Variants in LRRC1 observed in about 807,000 individuals in gnomAD.
The protein encoded by LRRC1 is leucine-rich repeat-containing protein 1.
LRRC1 carries 28 observed loss-of-function variants against 69.9 expected under a neutral mutation model. The observed-to-expected ratio is 0.40, with a 90% confidence interval of 0.30 to 0.55. The LOEUF is 0.55. Ranked by LOEUF, LRRC1 falls within the 20% of genes least tolerant of loss-of-function variation. The pLI, the probability that LRRC1 is intolerant of heterozygous loss-of-function variation, is 0.47. For synonymous variants in LRRC1, 236 were observed against 240.2 expected (o/e 0.98, Z 0.16); for missense variants, 498 against 609.0 (o/e 0.82, Z 1.92).
intron 2 of LRRC1, among the ~76,000 whole-genome samples, chr6:53,847,833 G>C (rs576069216): frequency 1.3e-5 from 2 of 152,286 alleles, no homozygotes; most frequent in African/African-American, 4.8e-5. Flanking sequence ...GCTCGTTCTG[G>C]CAAGTGGTAA....
chr6:53,817,296 T>A (rs1407351207), intron 1 of LRRC1, among the ~76,000 whole-genome samples: 1 of 152,202 alleles, frequency 6.6e-6, no homozygotes, highest in African/African-American at 2.4e-5. Context: ...CATTTTTTTC[T>A]TATTTAAAAA....
At chr6:53,855,064 TA>T (rs1430218396) in intron 2 of LRRC1, among the ~76,000 whole-genome samples, 1 of 152,098 alleles carries the variant, frequency 6.6e-6, no homozygotes, top group Non-Finnish European at 1.5e-5. Flanking sequence ...AAGAGGTGAG[TA>T]AGCAGTTTCA....
chr6:53,803,406 C>T (rs1427213030), intron 1 of LRRC1, among the ~76,000 whole-genome samples: 2 of 152,150 alleles, frequency 1.3e-5, no homozygotes, highest in African/African-American at 4.8e-5. Flanking sequence ...AATGTTTGCC[C>T]TCTGCTTCAT....
intron 2 of LRRC1, among the ~76,000 whole-genome samples, chr6:53,870,266 A>G (rs956528438): frequency 6.6e-6 from 1 of 152,094 alleles, no homozygotes; most frequent in African/African-American, 2.4e-5. Context: ...CCATCTTCTC[A>G]GGTCTCAGTG....
At chr6:53,817,464 T>C (rs1764984194) in intron 1 of LRRC1, among the ~76,000 whole-genome samples, 1 of 152,186 alleles carries the variant, frequency 6.6e-6, no homozygotes, top group South Asian at 2.1e-4. Flanking sequence ...TGTTCTATCT[T>C]AGTGATATTA....
At chr6:53,795,455 C>G (rs948274365) in intron 1 of LRRC1, 40 bp downstream of exon 1, 2 of 1,577,822 alleles carry the variant, frequency 1.3e-6, no homozygotes, top group Non-Finnish European at 1.7e-6. Context: ...GCCCGCTCGT[C>G]TGCTGTCCCT....
intron 2 of LRRC1, among the ~76,000 whole-genome samples, chr6:53,853,580 C>T (rs1766214739): frequency 6.6e-6 from 1 of 152,134 alleles, no homozygotes; most frequent in South Asian, 2.1e-4. Context: ...CCACTGCACC[C>T]AGCGTGTAAA....
intron 1 of LRRC1, among the ~76,000 whole-genome samples, chr6:53,800,082 C>A (rs1401268718): frequency 2.0e-5 from 3 of 152,146 alleles, no homozygotes; most frequent in Admixed American, 6.5e-5. Context: ...AGACTCTGTT[C>A]AAGCCTCTGT....
chr6:53,892,487 G>C (rs190154526), intron 4 of LRRC1, among the ~76,000 whole-genome samples: 1 of 152,162 alleles, frequency 6.6e-6, no homozygotes, highest in Admixed American at 6.5e-5. Context: ...AAGAGCTTGG[G>C]CTCTTCAGCA....
chr6:53,916,107 G>C (rs1470029336), intron 11 of LRRC1, among the ~76,000 whole-genome samples: 1 of 152,156 alleles, frequency 6.6e-6, no homozygotes, highest in Non-Finnish European at 1.5e-5. Flanking sequence ...TAAACCTTCT[G>C]TGACAGTAAA....
chr6:53,799,909 C>T (rs4342426), intron 1 of LRRC1, among the ~76,000 whole-genome samples: 95,095 of 152,002 alleles, frequency 0.63, 30,061 homozygotes, highest in East Asian at 0.9. Context: ...CACAATGCCA[C>T]CTATTCTCTC....
intron 11 of LRRC1, among the ~76,000 whole-genome samples, chr6:53,917,112 A>G (rs1314387525): frequency 6.6e-6 from 1 of 152,208 alleles, no homozygotes; most frequent in East Asian, 1.9e-4. Context: ...GAAAGCAGGA[A>G]TGTATTTCTC....
intron 2 of LRRC1, among the ~76,000 whole-genome samples, chr6:53,844,939 T>G (rs1765893934): frequency 6.6e-6 from 1 of 152,174 alleles, no homozygotes; most frequent in Admixed American, 6.5e-5. Flanking sequence ...GTGCGGTGGC[T>G]CACGCCTGTA....
chr6:53,861,963 C>T (rs3935663), intron 2 of LRRC1, among the ~76,000 whole-genome samples: 21,365 of 152,094 alleles, frequency 0.14, 1,612 homozygotes, highest in Non-Finnish European at 0.17. Context: ...GAATTCATGC[C>T]GAAAGAGTGA....
At chr6:53,866,656 C>T (rs1451848440) in intron 2 of LRRC1, among the ~76,000 whole-genome samples, 1 of 152,160 alleles carries the variant, frequency 6.6e-6, no homozygotes, top group South Asian at 2.1e-4. Context: ...TACTATGTTG[C>T]CTTTTTATTA....
At chr6:53,802,278 C>T (rs4357137) in intron 1 of LRRC1, among the ~76,000 whole-genome samples, 27,909 of 152,074 alleles carry the variant, frequency 0.18, 2,786 homozygotes, top group Middle Eastern at 0.33. Flanking sequence ...GGAGACCAGG[C>T]AGGGGCTCGT....
chr6:53,882,209 G>A (rs1024277340), intron 3 of LRRC1, among the ~76,000 whole-genome samples: 9 of 152,154 alleles, frequency 5.9e-5, no homozygotes, highest in South Asian at 2.1e-4. Context: ...TTATCTGGGC[G>A]TGGTGGCGCG....
At chr6:53,813,349 C>T (rs777719646) in intron 1 of LRRC1, among the ~76,000 whole-genome samples, 5 of 152,024 alleles carry the variant, frequency 3.3e-5, no homozygotes, top group African/African-American at 7.2e-5. Flanking sequence ...GGTGGATCAG[C>T]TCCATGAGGG....
intron 10 of LRRC1, among the ~76,000 whole-genome samples, chr6:53,905,771 T>C (rs1216400020): frequency 6.6e-6 from 1 of 152,196 alleles, no homozygotes; most frequent in Admixed American, 6.5e-5. Context: ...AATGGAGACA[T>C]GAGAATATTT....
Sources: gnomAD v4.1 joint callset for allele counts (sites outside exome capture counted in the v4.1 genomes callset) on GRCh38, gnomAD v4.1.1 for gene constraint, MANE v1.5 for transcripts, NCBI Gene and HGNC (gene_info 2026-07-23, HGNC 2026-07-21) for gene names.